ANK3: variants seen among roughly 807,000 people sequenced by gnomAD.
ANK3 encodes ankyrin-3.
In ANK3, 57 loss-of-function variants were observed where a neutral mutation model predicts 370.9. The observed-to-expected ratio is 0.15, with a 90% CI of 0.12 to 0.19. The LOEUF (loss-of-function observed/expected upper bound fraction) is 0.19. Among genes scored for constraint, ANK3 ranks in the 10% least tolerant of loss-of-function variants. The pLI is 1.00. For missense variants in ANK3, 4,439 were observed against 5,302.1 expected (o/e 0.84, Z 5.06); for synonymous variants, 1,929 against 1,946.3 (o/e 0.99, Z 0.23).
chr10:60,209,655 G>A (rs73269467), intron 9 of ANK3, among the ~76,000 whole-genome samples: 3,455 of 152,272 alleles, frequency 0.023, 125 homozygotes, highest in African/African-American at 0.076. Context: ...TTAAGGTGCA[G>A]GAAAAGGTAG....
chr10:60,215,173 T>A (rs2096917469), intron 8 of ANK3, among the ~76,000 whole-genome samples: 1 of 152,190 alleles, frequency 6.6e-6, no homozygotes, highest in Non-Finnish European at 1.5e-5. Context: ...TTGAGAAGTG[T>A]CTGTTCATAT....
intron 39 of ANK3, among the ~76,000 whole-genome samples, 183 bp downstream of exon 39, chr10:60,063,974 T>C (rs1368191753): frequency 6.6e-6 from 1 of 152,220 alleles, no homozygotes; most frequent in Non-Finnish European, 1.5e-5. Flanking sequence ...AAGTTTAGAC[T>C]GTTAACACTA....
chr10:60,337,019 A>G (rs1001961288), intron 1 of ANK3, among the ~76,000 whole-genome samples: 2 of 114,876 alleles, frequency 1.7e-5, no homozygotes, highest in Non-Finnish European at 3.9e-5. Context: ...CATCAAGAAA[A>G]AGGCTTTAAA....
intron 1 of ANK3, among the ~76,000 whole-genome samples, chr10:60,358,112 AC>A (rs2058056339): frequency 3.2e-5 from 1 of 31,502 alleles, no homozygotes; most frequent in African/African-American, 8.3e-5. Flanking sequence ...ACACACACAC[AC>A]ACACACAAAC....
intron 4 of ANK3, among the ~76,000 whole-genome samples, chr10:60,277,129 T>A (rs182074895): frequency 9.2e-5 from 14 of 152,316 alleles, no homozygotes; most frequent in African/African-American, 3.4e-4. Context: ...TGCAGTTCCT[T>A]TTCTTTGACT....
chr10:60,064,672 G>GCAACAACAACAACAACAACAGCAA (rs2081277878), intron 38 of ANK3, among the ~76,000 whole-genome samples: 2 of 146,102 alleles, frequency 1.4e-5, no homozygotes, highest in Non-Finnish European at 3.0e-5. Flanking sequence ...CATACACACA[G>GCAACAACAACAACAACAACAGCAA]CAACAACAAC....
At chr10:60,572,422 C>T (rs1567156549) in intron 2 of ANK3, 1 of 1,521,626 alleles carries the variant, frequency 6.6e-7, no homozygotes, top group Non-Finnish European at 8.8e-7. Flanking sequence ...CTCCCCAGAG[C>T]CAGAGAACAA....
chr10:60,721,234 T>C (rs994200148), intron 1 of ANK3, among the ~76,000 whole-genome samples: 1 of 152,160 alleles, frequency 6.6e-6, no homozygotes, highest in Non-Finnish European at 1.5e-5. Context: ...ACCATGAAAG[T>C]TGCCCAGAAG....
At position 60,029,066 on chromosome 10, in the gene ANK3, C is replaced by A. The variant is rs1476490071; in HGVS notation, c.*780G>T. 1 of 152,502 alleles carries A rather than the reference C, an allele frequency of 6.6e-6. No individual in the cohort carries two copies. Among genetic ancestry groups the A allele is most frequent in the Non-Finnish European group, 1.5e-5 (1 of 68,006 alleles). 9.4% of individuals were successfully genotyped at this position (152,502 alleles called of 1,614,324 possible). On this transcript the variant is annotated 3_prime_UTR_variant, in exon 44 of 44. Coordinates refer to ENST00000280772, the MANE Select transcript of ANK3 (RefSeq NM_020987.5). ...AAGAAAAAAATTTTTCACAGAACTA[C>A]AGAATTCCTCATTTTGGGAATTATT...
intron 7 of ANK3, among the ~76,000 whole-genome samples, chr10:60,251,215 T>G (rs1300113345): frequency 6.6e-6 from 1 of 152,192 alleles, no homozygotes; most frequent in African/African-American, 2.4e-5. Flanking sequence ...ACCTCGTATT[T>G]CAAAGTCTTA....
At chr10:60,689,298 T>C (rs1408392915) in intron 1 of ANK3, among the ~76,000 whole-genome samples, 2 of 150,884 alleles carry the variant, frequency 1.3e-5, no homozygotes, top group South Asian at 2.1e-4. Flanking sequence ...ACTTGGGAGG[T>C]TGAGGTAGGA....
intron 2 of ANK3, among the ~76,000 whole-genome samples, chr10:60,536,923 T>C (rs1235842051): frequency 6.6e-6 from 1 of 152,064 alleles, no homozygotes; most frequent in Non-Finnish European, 1.5e-5. Flanking sequence ...CTGGCACTTT[T>C]CTAAATTAAA....
At chr10:60,141,626 G>A (rs968747991) in intron 23 of ANK3, among the ~76,000 whole-genome samples, 10 of 130,890 alleles carry the variant, frequency 7.6e-5, no homozygotes, top group Admixed American at 1.7e-4. Context: ...AATACCTGGA[G>A]AATTGGGCTC....
intron 2 of ANK3, among the ~76,000 whole-genome samples, chr10:60,531,416 GAT>G (rs1302740795): frequency 6.6e-6 from 1 of 152,070 alleles, no homozygotes; most frequent in Non-Finnish European, 1.5e-5. Context: ...TCTCTGGAAA[GAT>G]ACACAATTAA....
intron 1 of ANK3, among the ~76,000 whole-genome samples, chr10:60,388,829 A>G (rs1010992304): frequency 2.6e-5 from 4 of 152,214 alleles, no homozygotes; most frequent in Non-Finnish European, 4.4e-5. Context: ...TTAACAAAAG[A>G]AAGTTATTTC....
At chr10:60,089,499 GTGTGTGTGTA>G (rs988094010) in intron 28 of ANK3, among the ~76,000 whole-genome samples, 3 of 136,410 alleles carry the variant, frequency 2.2e-5, no homozygotes, top group African/African-American at 5.8e-5. Flanking sequence ...GTGTGTGTGT[GTGTGTGTGTA>G]TGTATGTGTG....
At chr10:60,569,006 C>G (rs1358765160) in intron 2 of ANK3, among the ~76,000 whole-genome samples, 3 of 152,068 alleles carry the variant, frequency 2.0e-5, no homozygotes, top group Non-Finnish European at 4.4e-5. Flanking sequence ...TTCTCTAGAA[C>G]TGTGAGAAAA....
At chr10:60,295,086 G>T (rs2042220825) in intron 1 of ANK3, among the ~76,000 whole-genome samples, 1 of 152,128 alleles carries the variant, frequency 6.6e-6, no homozygotes, top group Non-Finnish European at 1.5e-5. Context: ...TACTACGAGG[G>T]TTACTAGGAG....
chr10:60,324,551 T>G (rs1333146345), intron 1 of ANK3, among the ~76,000 whole-genome samples: 1 of 152,214 alleles, frequency 6.6e-6, no homozygotes, highest in Non-Finnish European at 1.5e-5. Flanking sequence ...AGTCTCCCTA[T>G]CTCACAGAAT....
Sources: gnomAD v4.1 joint callset for allele counts (sites outside exome capture counted in the v4.1 genomes callset) on GRCh38, gnomAD v4.1.1 for gene constraint, MANE v1.5 for transcripts, NCBI Gene and HGNC (gene_info 2026-07-23, HGNC 2026-07-21) for gene names.